The following DNAJC7 variants were observed in gnomAD, a reference collection of about 807,000 sequenced individuals.
DNAJC7 encodes dnaJ homolog subfamily C member 7.
In DNAJC7, 18 loss-of-function variants were observed where a neutral mutation model predicts 67.4. The observed-to-expected ratio is 0.27, with a 90% CI of 0.18 to 0.40. DNAJC7 has a LOEUF of 0.40. Ranked by LOEUF, DNAJC7 falls within the 10% of genes least tolerant of loss-of-function variation. DNAJC7 has a pLI of 1.00. For missense variants in DNAJC7, 419 were observed against 613.8 expected (o/e 0.68, Z 3.35); for synonymous variants, 220 against 207.8 (o/e 1.06, Z -0.50).
At chr17:42,017,145 C>G in intron 1 of DNAJC7, 195 bp downstream of exon 1, 1 of 1,482,106 alleles carries the variant, frequency 6.7e-7, no homozygotes, top group Non-Finnish European at 8.9e-7. Flanking sequence ...CTACGCCAGG[C>G]GGAAGCGGGA....
At chr17:41,989,867 G>A (rs958046241) in intron 6 of DNAJC7, among the ~76,000 whole-genome samples, 5 of 152,214 alleles carry the variant, frequency 3.3e-5, no homozygotes, top group African/African-American at 1.2e-4. Flanking sequence ...CACACCCATT[G>A]GTTCATCTAT....
intron 1 of DNAJC7, among the ~76,000 whole-genome samples, chr17:42,010,522 T>C (rs1384470161): frequency 1.3e-5 from 2 of 152,048 alleles, no homozygotes; most frequent in African/African-American, 4.8e-5. Flanking sequence ...GGCTGCTTCC[T>C]GAGTTTTTTT....
intron 1 of DNAJC7, among the ~76,000 whole-genome samples, chr17:42,008,653 G>C (rs919260046): frequency 6.6e-6 from 1 of 151,984 alleles, no homozygotes; most frequent in Non-Finnish European, 1.5e-5. Context: ...CTCATGATCC[G>C]CCCGCCTCGG....
chr17:41,999,705 G>A (rs1201837157), intron 2 of DNAJC7, among the ~76,000 whole-genome samples: 1 of 152,068 alleles, frequency 6.6e-6, no homozygotes, highest in African/African-American at 2.4e-5. Flanking sequence ...ATTTTGTAGA[G>A]ACAGGGTTTC....
intron 1 of DNAJC7, among the ~76,000 whole-genome samples, chr17:42,007,101 CAA>C (rs1173825270): frequency 5.4e-5 from 7 of 128,556 alleles, no homozygotes; most frequent in Admixed American, 1.6e-4. Flanking sequence ...GATCCTGTCT[CAA>C]AAAAAAAAAA....
At chr17:41,982,535 A>G (rs1416702014) in intron 10 of DNAJC7, 134 bp from the exon 11 acceptor site, 7 of 1,183,454 alleles carry the variant, frequency 5.9e-6, no homozygotes, top group Non-Finnish European at 8.2e-6. Context: ...TCTTCTGGAG[A>G]TTAGAAAAAA....
intron 1 of DNAJC7, among the ~76,000 whole-genome samples, chr17:42,007,586 A>T (rs2052000949): frequency 6.8e-6 from 1 of 147,308 alleles, no homozygotes; most frequent in South Asian, 2.2e-4. Flanking sequence ...TGCAGTGGTG[A>T]GATCTCGGCT....
intron 1 of DNAJC7, among the ~76,000 whole-genome samples, chr17:42,004,747 C>A (rs535562822): frequency 6.6e-6 from 1 of 152,134 alleles, no homozygotes; most frequent in East Asian, 1.9e-4. Context: ...CCTTGCTGGG[C>A]GCAATGTCTC....
intron 5 of DNAJC7, among the ~76,000 whole-genome samples, chr17:41,992,166 G>GT (rs2051525080): frequency 6.6e-6 from 1 of 151,976 alleles, no homozygotes; most frequent in East Asian, 1.9e-4. Context: ...AAAGTTTTCT[G>GT]TTTTTTTGTT....
At chr17:41,994,459 A>G (rs2051600745) in intron 5 of DNAJC7, among the ~76,000 whole-genome samples, 1 of 131,438 alleles carries the variant, frequency 7.6e-6, no homozygotes, top group South Asian at 2.5e-4. Context: ...TGAACCCGGG[A>G]GGCGGAGGTT....
chr17:41,996,332 T>C lies in DNAJC7; in HGVS notation c.384A>G (p.Lys128=). ...GTACCTCTTGTTGTGCCTGAGCATT[T>C]TTATGATCCAGTTCTAGGGCTCTCT... ...SFQRALELDH[K]NAQAQQEFKN... The change falls in exon 4 of 14, where the codon AAA becomes AAG. Residue 128 remains lysine, a synonymous_variant. Transcript: ENST00000457167. 1 of 1,613,904 alleles carries C rather than the reference T, an allele frequency of 6.2e-7. No individual in the cohort carries two copies. Among genetic ancestry groups the C allele is most frequent in the Non-Finnish European group, 8.5e-7 (1 of 1,179,874 alleles).
intron 11 of DNAJC7, 41 bp from the exon 12 acceptor site, chr17:41,982,048 G>C (rs1555646063): frequency 1.3e-6 from 2 of 1,587,198 alleles, no homozygotes; most frequent in African/African-American, 1.4e-5. Flanking sequence ...GGAAATCAAA[G>C]TTTCAAGAAA....
intron 5 of DNAJC7, among the ~76,000 whole-genome samples, chr17:41,991,351 G>C (rs551639930): frequency 6.6e-6 from 1 of 152,160 alleles, no homozygotes; most frequent in South Asian, 2.1e-4. Context: ...ACAGGAGACT[G>C]GTTAGTTAAC....
At chr17:42,010,283 A>C (rs1475233674) in intron 1 of DNAJC7, among the ~76,000 whole-genome samples, 1 of 151,354 alleles carries the variant, frequency 6.6e-6, no homozygotes, top group African/African-American at 2.4e-5. Context: ...CGGGAGTTCG[A>C]GACCAGACTG....
intron 1 of DNAJC7, among the ~76,000 whole-genome samples, chr17:42,007,754 G>A (rs2052005137): frequency 6.6e-6 from 1 of 150,828 alleles, no homozygotes; most frequent in Non-Finnish European, 1.5e-5. Flanking sequence ...AAACTCTTGA[G>A]CTCAGGCAAT....
chr17:42,000,166 T>C (rs2143268364), intron 2 of DNAJC7, among the ~76,000 whole-genome samples: 1 of 149,612 alleles, frequency 6.7e-6, no homozygotes, highest in African/African-American at 2.5e-5. Context: ...TTGCCCAGGT[T>C]GGAGTGCAGT....
rs1396826833 is a variant in DNAJC7 at position 42,016,916 on chromosome 17, G to A, written c.77+424C>T. 4.5e-6 allele frequency: 5 copies of A among 1,102,600 alleles called. No individual in the cohort carries two copies. The Admixed American group carries it at 1.9e-4, about 43-fold the overall frequency. 68.3% of individuals were successfully genotyped at this position (1,102,600 alleles called of 1,614,324 possible). ...ATAATTACAAGGGAAAACGGGGTGA[G>A]GAGAGCAAAGGTTTTGGAGACGGAA... On this transcript the variant is annotated intron_variant, in intron 1 of 13. Coordinates refer to ENST00000457167, the MANE Select transcript of DNAJC7 (RefSeq NM_003315.4).
intron 1 of DNAJC7, chr17:42,013,151 T>TG (rs2143363102): frequency 6.6e-6 from 1 of 152,292 alleles, no homozygotes; most frequent in Admixed American, 6.5e-5. Context: ...TTGCCCAGGC[T>TG]GGTCTCAAAC....
intron 9 of DNAJC7, chr17:41,986,103 T>G (rs2051370980): frequency 1.6e-5 from 2 of 121,548 alleles, no homozygotes; most frequent in Admixed American, 2.2e-4. Flanking sequence ...GGCTCACACC[T>G]GCTGGTAATT....
Sources: gnomAD v4.1 joint callset for allele counts (sites outside exome capture counted in the v4.1 genomes callset) on GRCh38, gnomAD v4.1.1 for gene constraint, MANE v1.5 for transcripts, NCBI Gene and HGNC (gene_info 2026-07-23, HGNC 2026-07-21) for gene names.